The following UHMK1 variants were observed in gnomAD, a reference collection of about 807,000 sequenced individuals.
The protein encoded by UHMK1 is U2AF homology motif kinase 1.
A neutral mutation model predicts 44.0 loss-of-function variants in UHMK1; 18 were observed. That is an observed-to-expected ratio of 0.41 (90% CI 0.28 to 0.61). The LOEUF (loss-of-function observed/expected upper bound fraction) is 0.61. UHMK1 is among the 20% of genes least tolerant of loss of function. UHMK1 has a pLI of 0.31. For synonymous variants in UHMK1, 231 were observed against 198.5 expected, an observed-to-expected ratio of 1.16 and a Z score of -1.38; for missense variants, 463 against 522.5, an observed-to-expected ratio of 0.89 and a Z score of 1.11.
At chr1:162,511,815 G>C (rs1257741822) in intron 4 of UHMK1, among the ~76,000 whole-genome samples, 1 of 152,108 alleles carries the variant, frequency 6.6e-6, no homozygotes, top group Non-Finnish European at 1.5e-5. Context: ...TTAATATCCA[G>C]TTTTTCCCAG....
In UHMK1 at chr1:162,518,224, A is replaced by G. The variant is rs1353474094; in HGVS notation, c.1113+34A>G. ...ATATTTTCATAATTGCAGATTACTCAGAGGTTATTAAAATTCTGTGTTAAA... is the reference window on the plus strand; with the variant it reads ...ATATTTTCATAATTGCAGATTACTCGGAGGTTATTAAAATTCTGTGTTAAA... On this transcript the variant is annotated intron_variant, in intron 7 of 7. Transcript: ENST00000489294. The G allele has an allele frequency of 2.7e-6, 4 of 1,464,362 alleles. No homozygotes were observed. The Admixed American group carries it at 6.9e-5, about 25-fold the overall frequency. 90.7% of individuals were successfully genotyped at this position (1,464,362 alleles called of 1,614,324 possible). A position where few individuals can be genotyped will look rare whatever the true frequency, so the allele number is the denominator to read the frequency against.
intron 4 of UHMK1, 103 bp from the exon 5 acceptor site, chr1:162,512,397 T>G: frequency 1.1e-6 from 1 of 876,752 alleles, no homozygotes; most frequent in East Asian, 2.4e-5. Flanking sequence ...CATGCTAATA[T>G]AATTAATGCT....
In UHMK1 at chr1:162,522,649, C is replaced by T; in HGVS notation, c.*99C>T. 1 of 1,305,750 alleles carries T rather than the reference C, an allele frequency of 7.7e-7. No individual in the cohort carries two copies. 80.9% of individuals were successfully genotyped at this position (1,305,750 alleles called of 1,614,324 possible). ...ACCCCCTTACCATTTTAAGAAGGTA[C>T]TTTATACATTTATTTAATCCTACTA... On this transcript the variant is annotated 3_prime_UTR_variant, in exon 8 of 8. Coordinates refer to ENST00000489294, the MANE Select transcript of UHMK1 (RefSeq NM_175866.5).
intron 4 of UHMK1, among the ~76,000 whole-genome samples, chr1:162,511,787 A>G (rs1485868028): frequency 6.6e-6 from 1 of 152,038 alleles, no homozygotes; most frequent in Non-Finnish European, 1.5e-5. Flanking sequence ...TAAGGGTTTA[A>G]TTTTATTCTT....
chr1:162,509,356 G>C (rs1651585640), intron 4 of UHMK1, among the ~76,000 whole-genome samples: 2 of 152,200 alleles, frequency 1.3e-5, no homozygotes, highest in Non-Finnish European at 2.9e-5. Flanking sequence ...AGAAAGCTTT[G>C]GCTGGTTAGT....
rs201389725 is a variant in UHMK1, at chr1:162,520,480, GA to G, written c.1114-1919del. Among the ~76,000 whole-genome samples the G allele has an allele frequency of 7.8e-3, 1,185 of 152,286 alleles. 26 individuals carry two copies. The highest frequency in any genetic ancestry group is 0.027 in the African/African-American group (1,134 of 41,546). On this transcript the variant is annotated intron_variant, in intron 7 of 7. Coordinates refer to ENST00000489294, the MANE Select transcript of UHMK1 (RefSeq NM_175866.5). ...AAAGTGTGGTGATAAGTGCTAGGGA[GA>G]AAAACAGATTAAGGAAGAAACTTAA...
chr1:162,500,130 T>C lies in UHMK1; in HGVS notation c.444T>C (p.Phe148=). ...CARDVLEALA[F]LHHEGYVHAD... is the part of the protein sequence containing the mutation. ...GAGATGTTTTGGAGGCCCTTGCTTT[T>C]CTTCATCATGAGGGCTATGTCCATG... The change falls in exon 2 of 8, where the codon TTT becomes TTC. Residue 148 remains phenylalanine, a synonymous_variant. Coordinates refer to ENST00000489294, the MANE Select transcript of UHMK1 (RefSeq NM_175866.5). The C allele has an allele frequency of 1.2e-6, 2 of 1,614,226 alleles. No individual in the cohort carries two copies. The highest frequency in any genetic ancestry group is 3.3e-4 in the Middle Eastern group (2 of 6,062).
chr1:162,499,320 C>T (rs556054998), intron 1 of UHMK1, among the ~76,000 whole-genome samples: 1 of 152,152 alleles, frequency 6.6e-6, no homozygotes, highest in African/African-American at 2.4e-5. Context: ...ACTACAGGCA[C>T]GTAGCACCAA....
Position 162,512,514 on chromosome 1 carries a change from A to T in UHMK1, c.863A>T (p.Asp288Val). Residue 288 changes from aspartate (D) to valine (V), a missense_variant, in exon 5 of 8, where the codon GAT (aspartate) becomes GTT (valine). This residue lies in a region of UHMK1 where 264 missense variants were observed against 326.3 expected (regional missense o/e 0.81). Coordinates refer to ENST00000489294, the MANE Select transcript of UHMK1 (RefSeq NM_175866.5). ...TTGTGTTTTAGCATGCTTCATGATG[A>T]TCCAAGCAGAAGAATTCCTGCTGAA... is the stretch of plus-strand genomic sequence containing the variant. The part of the protein sequence containing the change: ...RDLIKSMLHD[D>V]PSRRIPAEMA... 1 of 1,612,198 alleles carries T rather than the reference A, an allele frequency of 6.2e-7. No homozygotes were observed. The highest frequency in any genetic ancestry group is 1.7e-5 in the Admixed American group (1 of 59,476).
In UHMK1 at chr1:162,518,112, A is replaced by T. The variant is rs1216851603; in HGVS notation, c.1035A>T (p.Glu345Asp). 1 of 1,610,398 alleles carries T rather than the reference A, an allele frequency of 6.2e-7. No homozygotes were observed. The highest frequency in any genetic ancestry group is 2.2e-5 in the East Asian group (1 of 44,764). Reference protein sequence around the residue: ...ENEEEYEDVVEDVKEECQKYG... With the variant: ...ENEEEYEDVVDDVKEECQKYG... ...TGTTTTAATAATCAGATGTTGTAGA[A>T]GATGTAAAAGAGGAGTGTCAAAAAT... Residue 345 changes from glutamate to aspartate, a missense_variant, in exon 7 of 8, where the codon GAA (glutamate) becomes GAT (aspartate). Glu to Asp is a conservative substitution (Grantham distance 45, BLOSUM62 2). Transcript: ENST00000489294.
intron 4 of UHMK1, among the ~76,000 whole-genome samples, chr1:162,506,265 A>T (rs1346052183): frequency 7.0e-6 from 1 of 143,306 alleles, no homozygotes. Flanking sequence ...CTAAATTTGG[A>T]AACTATAGAA....
At position 162,522,434 on chromosome 1, in the gene UHMK1, T is replaced by A. The variant is rs752666440; in HGVS notation, c.1144T>A (p.Ser382Thr). The A allele has an allele frequency of 6.2e-7, 1 of 1,614,180 alleles. No individual in the cohort carries two copies. The highest frequency in any genetic ancestry group is 1.1e-5 in the South Asian group (1 of 91,078). Residue 382 changes from serine to threonine, a missense_variant, in exon 8 of 8, where the codon TCC (serine) becomes ACC (threonine). Coordinates refer to ENST00000489294, the MANE Select transcript of UHMK1 (RefSeq NM_175866.5). Reference protein sequence around the residue: ...VFVEYANAGDSKAAQKLLTGR... With the variant: ...VFVEYANAGDTKAAQKLLTGR... Reference sequence around the variant, plus strand: ...TGTTGAGTATGCAAATGCTGGTGATTCCAAAGCTGCGCAGAAATTACTGAC... The same window carrying A: ...TGTTGAGTATGCAAATGCTGGTGATACCAAAGCTGCGCAGAAATTACTGAC...
chr1:162,504,995 G>A (rs1343906014), intron 4 of UHMK1, among the ~76,000 whole-genome samples: 2 of 151,968 alleles, frequency 1.3e-5, no homozygotes, highest in Non-Finnish European at 2.9e-5. Context: ...GGTTGGTCTC[G>A]AACTCCTGAC....
intron 4 of UHMK1, among the ~76,000 whole-genome samples, chr1:162,512,193 T>C (rs1045699544): frequency 5.3e-5 from 8 of 151,686 alleles, no homozygotes; most frequent in African/African-American, 1.9e-4. Flanking sequence ...CTTTTTTTTT[T>C]AATTGTGTTA....
rs1652319761 is a variant in UHMK1 at position 162,528,348 on chromosome 1, T to C, written c.*5798T>C. 6.6e-6 allele frequency: 1 copy of C among 152,090 alleles called. No homozygotes were observed. Among genetic ancestry groups the C allele is most frequent in the Non-Finnish European group, 1.5e-5 (1 of 67,946 alleles). 9.4% of individuals were successfully genotyped at this position (152,090 alleles called of 1,614,324 possible). A position where few individuals can be genotyped will look rare whatever the true frequency, so the allele number is the denominator to read the frequency against. On this transcript the variant is annotated 3_prime_UTR_variant, in exon 8 of 8. Coordinates refer to ENST00000489294, the MANE Select transcript of UHMK1 (RefSeq NM_175866.5). ...TGAGCTAAAAAATGATACTTAAAGTTCCAGGTTTGGTACCGCTAGCATAGA... is the reference window on the plus strand; with the variant it reads ...TGAGCTAAAAAATGATACTTAAAGTCCCAGGTTTGGTACCGCTAGCATAGA...
Position 162,512,842 on chromosome 1 carries a change from ATATTT to A in UHMK1, c.1024+22_1024+26del. The A allele has an allele frequency of 1.3e-6, 2 of 1,599,746 alleles. No individual in the cohort carries two copies. Among genetic ancestry groups the A allele is most frequent in the African/African-American group, 2.7e-5 (2 of 74,732 alleles). ...TATGAAGGTTAGTGTTTTCTAAATT[ATATTT>A]TAATGTGTCTTTCTTAAATAAGTCT... On this transcript the variant is annotated intron_variant, in intron 6 of 7. Transcript: ENST00000489294.
At chr1:162,508,947 C>A (rs1019272969) in intron 4 of UHMK1, among the ~76,000 whole-genome samples, 4 of 152,084 alleles carry the variant, frequency 2.6e-5, no homozygotes, top group Non-Finnish European at 5.9e-5. Flanking sequence ...CATACACCAC[C>A]ATGCCTGGTT....
rs1480745842 is a variant in UHMK1, at chr1:162,526,128, T to G, written c.*3578T>G. 6.6e-6 allele frequency: 1 copy of G among 152,186 alleles called. No individual in the cohort carries two copies. Among genetic ancestry groups the G allele is most frequent in the African/African-American group, 2.4e-5 (1 of 41,452 alleles). The allele number at this position is 152,186 out of a possible 1,614,324, so 9.4% of individuals were successfully genotyped here. On this transcript the variant is annotated 3_prime_UTR_variant, in exon 8 of 8. Transcript: ENST00000489294. ...GGAATAAAAGGCGGAGTTAGAGCAC[T>G]TATCAGATGCTGTTTCATGGCTTGT...
chr1:162,503,151 A>G (rs1197173980), intron 3 of UHMK1, among the ~76,000 whole-genome samples: 1 of 152,170 alleles, frequency 6.6e-6, no homozygotes. Flanking sequence ...GTCACCTATT[A>G]TACATTCATT....
Sources: gnomAD v4.1 joint callset for allele counts (sites outside exome capture counted in the v4.1 genomes callset) on GRCh38, gnomAD v4.1.1 for gene constraint, gnomAD v4.1.1 regional missense constraint, MANE v1.5 for transcripts, NCBI Gene and HGNC (gene_info 2026-07-23, HGNC 2026-07-21) for gene names.